The following ZSCAN30 variants were observed in gnomAD, a reference collection of about 807,000 sequenced individuals.
ZSCAN30 encodes zinc finger and SCAN domain containing 30, also known as zinc finger and SCAN domain-containing protein 30.
Under a neutral mutation model 44.3 loss-of-function variants are expected in ZSCAN30, and 37 were observed. The ratio of observed to expected loss-of-function variants is 0.84; its 90% CI spans 0.64 to 1.10. The LOEUF (loss-of-function observed/expected upper bound fraction) is 1.10, where lower values mean the gene tolerates loss of function less well. Ranked by LOEUF, ZSCAN30 falls within the 50% of genes least tolerant of loss-of-function variation. The pLI, the probability that ZSCAN30 is intolerant of heterozygous loss-of-function variation, is 0.00. For missense variants in ZSCAN30, 549 were observed against 582.6 expected, an observed-to-expected ratio of 0.94 and a Z score of 0.59; for synonymous variants, 181 against 204.6, an observed-to-expected ratio of 0.88 and a Z score of 0.98.
rs1298328213 is a variant in ZSCAN30 at position 35,251,347 on chromosome 18, A to G, written c.*2103T>C. 1 of 152,206 alleles carries G rather than the reference A, an allele frequency of 6.6e-6. No homozygotes were observed. Among genetic ancestry groups the G allele is most frequent in the Non-Finnish European group, 1.5e-5 (1 of 68,042 alleles). 9.4% of individuals were successfully genotyped at this position (152,206 alleles called of 1,614,324 possible). A position where few individuals can be genotyped will look rare whatever the true frequency, so the allele number is the denominator to read the frequency against. The stretch of plus-strand genomic sequence containing the variant: ...AAACCTATTATATGATACTTAAAAC[A>G]TTAAATCTCTGATTGTCACCTATAG... On this transcript the variant is annotated 3_prime_UTR_variant, in exon 4 of 4. Transcript: ENST00000333206.
chr18:35,271,954 C>T (rs911809667), intron 1 of ZSCAN30, among the ~76,000 whole-genome samples: 36 of 152,236 alleles, frequency 2.4e-4, no homozygotes, highest in African/African-American at 7.2e-4. Flanking sequence ...CGGGGCCCGC[C>T]GAGCCCGCGC....
chr18:35,271,526 A>C (rs1334772950), intron 1 of ZSCAN30, among the ~76,000 whole-genome samples: 1 of 152,220 alleles, frequency 6.6e-6, no homozygotes, highest in African/African-American at 2.4e-5. Context: ...TGCATATACA[A>C]CTCTCTGGCT....
At chr18:35,269,721 G>A (rs1341273567) in intron 1 of ZSCAN30, 2 of 151,778 alleles carry the variant, frequency 1.3e-5, no homozygotes, top group Non-Finnish European at 2.9e-5. Context: ...TGCTACATGG[G>A]ATTAGTGGTT....
intron 3 of ZSCAN30, chr18:35,263,167 G>T: frequency 2.6e-6 from 1 of 387,664 alleles, no homozygotes; most frequent in Non-Finnish European, 4.9e-6. Flanking sequence ...CTTTAACCCA[G>T]GGGTTCAAGG....
Position 35,275,787 on chromosome 18 carries a change from T to C in ZSCAN30, c.-103-11332A>G, listed in dbSNP as rs78285878. On this transcript the variant is annotated intron_variant, in intron 1 of 3. Coordinates refer to ENST00000333206, the MANE Select transcript of ZSCAN30 (RefSeq NM_001112734.4). ...ACTCCACTATTACCCTATTTCTTAT[T>C]TTCTTTTATTCATAACTGACTTATT... 7.1e-3 allele frequency among the ~76,000 whole-genome samples: 1,085 copies of C among 152,350 alleles called. 15 individuals carry two copies. The highest frequency in any genetic ancestry group is 0.025 in the African/African-American group (1,028 of 41,580).
At chr18:35,270,737 C>A (rs1442818634) in intron 1 of ZSCAN30, among the ~76,000 whole-genome samples, 3 of 152,220 alleles carry the variant, frequency 2.0e-5, no homozygotes, top group African/African-American at 7.2e-5. Flanking sequence ...CAGGCCACTA[C>A]TGTGTCCAGA....
At chr18:35,280,431 CA>C (rs1180309209) in intron 1 of ZSCAN30, among the ~76,000 whole-genome samples, 2 of 151,852 alleles carry the variant, frequency 1.3e-5, no homozygotes, top group Non-Finnish European at 2.9e-5. Flanking sequence ...CACAAAACAC[CA>C]TGACTTGGCT....
At chr18:35,263,768 A>G (rs2044086207) in intron 2 of ZSCAN30, 111 bp from the exon 3 acceptor site, 1 of 1,442,102 alleles carries the variant, frequency 6.9e-7, no homozygotes, top group Non-Finnish European at 9.4e-7. Flanking sequence ...ATGATTAGAG[A>G]GAAAAAAAAC....
rs534337318 is a variant in ZSCAN30, at chr18:35,267,624, G to C, written c.-103-3169C>G. 5.3e-5 allele frequency: 8 copies of C among 152,356 alleles called. No homozygotes were observed. The South Asian group carries it at 1.7e-3, about 32-fold the overall frequency. 9.4% of individuals were successfully genotyped at this position (152,356 alleles called of 1,614,324 possible). A position where few individuals can be genotyped will look rare whatever the true frequency, so the allele number is the denominator to read the frequency against. On this transcript the variant is annotated intron_variant, in intron 1 of 3. Transcript: ENST00000333206. ...GCGCGGGTCGTGTCTCGCAGGAGGG[G>C]CGCGGGTCCGGCTCAGACCTGGCGG...
intron 1 of ZSCAN30, among the ~76,000 whole-genome samples, chr18:35,273,374 T>A (rs765490296): frequency 1.3e-5 from 2 of 152,264 alleles, no homozygotes; most frequent in South Asian, 4.1e-4. Flanking sequence ...ATGTCAGATT[T>A]TCCTTTCTTT....
intron 1 of ZSCAN30, among the ~76,000 whole-genome samples, chr18:35,275,565 TC>T (rs1414059473): frequency 6.6e-6 from 1 of 152,208 alleles, no homozygotes; most frequent in East Asian, 1.9e-4. Flanking sequence ...GCCACTCATA[TC>T]TAAAGACCTA....
At chr18:35,271,051 C>T (rs1177122907) in intron 1 of ZSCAN30, among the ~76,000 whole-genome samples, 1 of 152,182 alleles carries the variant, frequency 6.6e-6, no homozygotes, top group Non-Finnish European at 1.5e-5. Flanking sequence ...AGTGAAACTG[C>T]AGACCTTCAC....
intron 3 of ZSCAN30, chr18:35,260,314 A>G (rs992662303): frequency 3.9e-5 from 6 of 152,236 alleles, no homozygotes; most frequent in African/African-American, 1.4e-4. Context: ...TAGTACTGCA[A>G]TGAACATATG....
chr18:35,272,897 G>A (rs367593086), intron 1 of ZSCAN30, among the ~76,000 whole-genome samples: 45 of 152,208 alleles, frequency 3.0e-4, no homozygotes, highest in African/African-American at 1.0e-3. Context: ...TGAGAGCCAA[G>A]CAAAATGGGT....
intron 1 of ZSCAN30, chr18:35,268,517 C>G (rs946360786): frequency 2.0e-5 from 3 of 152,040 alleles, no homozygotes; most frequent in Non-Finnish European, 4.4e-5. Context: ...AAAAGGAGTT[C>G]GAGAAGAGGA....
Position 35,251,306 on chromosome 18 carries a change from T to G in ZSCAN30, c.*2144A>C, listed in dbSNP as rs566993945. On this transcript the variant is annotated 3_prime_UTR_variant, in exon 4 of 4. Coordinates refer to ENST00000333206, the MANE Select transcript of ZSCAN30 (RefSeq NM_001112734.4). ...TTTTCTGTATTACCAACACTTACAA[T>G]TCACAATCAGGAGAAAAACCTATTA... The G allele has an allele frequency of 6.6e-6, 1 of 152,258 alleles. No individual in the cohort carries two copies. Among genetic ancestry groups the G allele is most frequent in the South Asian group, 2.1e-4 (1 of 4,828 alleles). 9.4% of individuals were successfully genotyped at this position (152,258 alleles called of 1,614,324 possible). A position where few individuals can be genotyped will look rare whatever the true frequency, so the allele number is the denominator to read the frequency against.
chr18:35,275,517 G>T (rs753020834), intron 1 of ZSCAN30, among the ~76,000 whole-genome samples: 1 of 152,084 alleles, frequency 6.6e-6, no homozygotes, highest in Non-Finnish European at 1.5e-5. Context: ...ACCTGAGCTT[G>T]CACCCATTCT....
At chr18:35,274,898 T>C (rs1369238927) in intron 1 of ZSCAN30, among the ~76,000 whole-genome samples, 1 of 152,246 alleles carries the variant, frequency 6.6e-6, no homozygotes, top group Non-Finnish European at 1.5e-5. Flanking sequence ...AAAGATAGTA[T>C]CTTTTGAAGA....
chr18:35,276,899 C>T (rs572170291), intron 1 of ZSCAN30, among the ~76,000 whole-genome samples: 5 of 152,298 alleles, frequency 3.3e-5, no homozygotes, highest in African/African-American at 1.2e-4. Context: ...CCTGGAAAAG[C>T]CACAGACACT....
Sources: gnomAD v4.1 joint callset for allele counts (sites outside exome capture counted in the v4.1 genomes callset) on GRCh38, gnomAD v4.1.1 for gene constraint, MANE v1.5 for transcripts, NCBI Gene and HGNC (gene_info 2026-07-23, HGNC 2026-07-21) for gene names.